The following DYNC1I1 variants were observed in gnomAD, a reference collection of about 807,000 sequenced individuals.
DYNC1I1 encodes the protein cytoplasmic dynein 1 intermediate chain 1.
A neutral mutation model predicts 86.6 loss-of-function variants in DYNC1I1; 43 were observed. The observed-to-expected ratio is 0.50, with a 90% CI of 0.39 to 0.64. The LOEUF is 0.64. Ranked by LOEUF, DYNC1I1 falls within the 30% of genes least tolerant of loss-of-function variation. The pLI is 0.00. For missense variants in DYNC1I1, 604 were observed against 788.8 expected (o/e 0.77, Z 2.81); for synonymous variants, 262 against 283.7 (o/e 0.92, Z 0.77).
At chr7:95,942,880 A>T (rs1792273208) in intron 6 of DYNC1I1, among the ~76,000 whole-genome samples, 1 of 146,982 alleles carries the variant, frequency 6.8e-6, no homozygotes, top group Non-Finnish European at 1.5e-5. Context: ...TCTCAAAATA[A>T]TAAGAGCTAT....
intron 14 of DYNC1I1, among the ~76,000 whole-genome samples, chr7:96,072,039 T>C (rs1180932646): frequency 2.0e-5 from 3 of 152,204 alleles, no homozygotes; most frequent in African/African-American, 7.2e-5. Flanking sequence ...TTACTAACTT[T>C]CCTGAACTGT....
chr7:96,103,756 G>A (rs951744158), intron 16 of DYNC1I1, among the ~76,000 whole-genome samples: 2 of 152,126 alleles, frequency 1.3e-5, no homozygotes, highest in Non-Finnish European at 2.9e-5. Flanking sequence ...GGGATTACAG[G>A]CATATACCAC....
intron 4 of DYNC1I1, among the ~76,000 whole-genome samples, chr7:95,824,446 CATTG>C (rs1795161050): frequency 6.6e-6 from 1 of 152,082 alleles, no homozygotes; most frequent in Non-Finnish European, 1.5e-5. Context: ...CCTCTGCATG[CATTG>C]ATTGAGCCAT....
rs564374946 is a variant in DYNC1I1, at chr7:96,080,564, A to G, written c.1776+76A>G. 6.8e-6 allele frequency: 11 copies of G among 1,612,528 alleles called. 1 individual carries two copies. The Admixed American group carries it at 1.8e-4, about 27-fold the overall frequency. On this transcript the variant is annotated intron_variant, in intron 16 of 16. Coordinates refer to ENST00000447467, the MANE Select transcript of DYNC1I1 (RefSeq NM_001135556.2). ...TAGAAACCTAGTGAAATTATTAGCA[A>G]GAACTTGTAGGCCACAAGGACCCTC...
At chr7:95,937,455 T>A (rs1392430635) in intron 6 of DYNC1I1, among the ~76,000 whole-genome samples, 1 of 151,662 alleles carries the variant, frequency 6.6e-6, no homozygotes, top group Non-Finnish European at 1.5e-5. Context: ...AATTTTTATT[T>A]AAAAAAATTT....
chr7:95,848,280 G>A (rs12154999), intron 5 of DYNC1I1, among the ~76,000 whole-genome samples: 1,519 of 144,812 alleles, frequency 0.01, 13 homozygotes, highest in Non-Finnish European at 0.014. Context: ...AGAAACATCT[G>A]TATACTGTTA....
chr7:95,913,832 C>G (rs11773847), intron 6 of DYNC1I1, among the ~76,000 whole-genome samples: 15,142 of 152,228 alleles, frequency 0.099, 971 homozygotes, highest in Middle Eastern at 0.18. Context: ...GTTGTGCTTC[C>G]TAATCTTTTT....
chr7:96,029,481 C>T (rs555220565), intron 11 of DYNC1I1, among the ~76,000 whole-genome samples: 1 of 152,248 alleles, frequency 6.6e-6, no homozygotes, highest in African/African-American at 2.4e-5. Context: ...AATGTTAGAA[C>T]ATTTAGCAGT....
At chr7:96,013,314 G>T (rs1056207977) in intron 10 of DYNC1I1, among the ~76,000 whole-genome samples, 7 of 152,162 alleles carry the variant, frequency 4.6e-5, no homozygotes, top group Non-Finnish European at 8.8e-5. Context: ...AGAAGGCCAA[G>T]AAATTGATTC....
At chr7:95,946,595 T>C (rs1792408259) in intron 6 of DYNC1I1, among the ~76,000 whole-genome samples, 1 of 152,154 alleles carries the variant, frequency 6.6e-6, no homozygotes. Flanking sequence ...GCCTCATTCA[T>C]TGAGTATGAG....
chr7:95,875,972 A>G (rs1223268033), intron 6 of DYNC1I1, among the ~76,000 whole-genome samples: 4 of 151,004 alleles, frequency 2.6e-5, no homozygotes, highest in Admixed American at 2.6e-4. Context: ...CTCTTGGCAT[A>G]CTGACTCTCG....
In DYNC1I1 at chr7:96,002,818, T is replaced by G. The variant is rs562953742; in HGVS notation, c.969+6745T>G. Among the ~76,000 whole-genome samples the G allele has an allele frequency of 1.7e-4, 26 of 149,262 alleles. No homozygotes were observed. In the East Asian group the frequency reaches 1.8e-3, roughly 10 times the overall value. On this transcript the variant is annotated intron_variant, in intron 10 of 16. Coordinates refer to ENST00000447467, the MANE Select transcript of DYNC1I1 (RefSeq NM_001135556.2). ...CTCAGCATTTTTTTTTTGGTTTTGG[T>G]TTTTTTTTGGGTTTTTTTTGTGTTT... is the stretch of plus-strand genomic sequence containing the variant.
chr7:95,899,517 G>A (rs967576763), intron 6 of DYNC1I1, among the ~76,000 whole-genome samples: 5 of 152,178 alleles, frequency 3.3e-5, no homozygotes, highest in Non-Finnish European at 5.9e-5. Flanking sequence ...CAGGTCTGAT[G>A]TGTTGGTTCC....
intron 14 of DYNC1I1, among the ~76,000 whole-genome samples, chr7:96,049,150 C>G (rs1170760984): frequency 6.7e-6 from 1 of 150,088 alleles, no homozygotes; most frequent in East Asian, 2.0e-4. Context: ...CCCAGCTACT[C>G]GGGAGGCTGA....
intron 6 of DYNC1I1, among the ~76,000 whole-genome samples, chr7:95,899,859 T>C (rs2116304426): frequency 6.6e-6 from 1 of 152,324 alleles, no homozygotes; most frequent in African/African-American, 2.4e-5. Flanking sequence ...CTTCTACCAT[T>C]GTTATCTGAC....
chr7:96,068,324 G>C (rs181039012), intron 14 of DYNC1I1, among the ~76,000 whole-genome samples: 2 of 152,260 alleles, frequency 1.3e-5, no homozygotes, highest in Admixed American at 1.3e-4. Context: ...TGCTATTTGT[G>C]ATTCTCCATG....
chr7:95,821,833 G>C (rs115095527), intron 4 of DYNC1I1, among the ~76,000 whole-genome samples: 54 of 152,212 alleles, frequency 3.5e-4, no homozygotes, highest in African/African-American at 1.3e-3. Flanking sequence ...TAATTTAAAT[G>C]CTACCAACAG....
intron 6 of DYNC1I1, among the ~76,000 whole-genome samples, chr7:95,905,930 T>C (rs1294213576): frequency 6.6e-6 from 1 of 152,208 alleles, no homozygotes; most frequent in Non-Finnish European, 1.5e-5. Flanking sequence ...GCTATCTTTT[T>C]ATCTCTCTGT....
chr7:95,850,004 C>T (rs1435709445), intron 5 of DYNC1I1, among the ~76,000 whole-genome samples: 1 of 151,986 alleles, frequency 6.6e-6, no homozygotes, highest in Non-Finnish European at 1.5e-5. Context: ...TGATTTTTTA[C>T]TCAGTTCACT....
Sources: allele counts gnomAD v4.1 joint callset (sites outside exome capture counted in the v4.1 genomes callset), GRCh38; gene constraint gnomAD v4.1.1; transcripts MANE v1.5; gene names NCBI Gene and HGNC (gene_info 2026-07-23, HGNC 2026-07-21).